The following NLGN1 variants were observed in gnomAD, a reference collection of about 807,000 sequenced individuals.
NLGN1 encodes neuroligin 1.
NLGN1 carries 12 observed loss-of-function variants against 65.5 expected under a neutral mutation model. That is an observed-to-expected ratio of 0.18 (90% confidence interval 0.12 to 0.30). The LOEUF (loss-of-function observed/expected upper bound fraction) is 0.30. NLGN1 is among the 10% of genes least tolerant of loss of function. The pLI is 1.00. For missense variants in NLGN1, 750 were observed against 1,007.1 expected, an observed-to-expected ratio of 0.74 and a Z score of 3.46; for synonymous variants, 350 against 359.5, an observed-to-expected ratio of 0.97 and a Z score of 0.30.
chr3:173,926,100 T>C (rs1457359572), intron 4 of NLGN1, among the ~76,000 whole-genome samples: 1 of 152,004 alleles, frequency 6.6e-6, no homozygotes, highest in East Asian at 1.9e-4. Flanking sequence ...ATGAAATACA[T>C]TTAGATTTTC....
intron 2 of NLGN1, among the ~76,000 whole-genome samples, chr3:173,531,372 A>G (rs73045413): frequency 1.3e-5 from 2 of 152,026 alleles, no homozygotes; most frequent in African/African-American, 4.8e-5. Flanking sequence ...TTAAAATTTT[A>G]TATTATTGCT....
At chr3:174,188,404 C>A (rs984548046) in intron 4 of NLGN1, among the ~76,000 whole-genome samples, 1 of 151,940 alleles carries the variant, frequency 6.6e-6, no homozygotes, top group South Asian at 2.1e-4. Flanking sequence ...CCATTCACTG[C>A]GCAGTTGCTG....
upstream of NLGN1, among the ~76,000 whole-genome samples, chr3:173,397,223 C>T (rs548529570): frequency 6.6e-6 from 1 of 152,264 alleles, no homozygotes; most frequent in South Asian, 2.1e-4. Context: ...CCTTCCGTTT[C>T]TGCATAAAAC....
chr3:174,188,695 CT>C (rs34139246), intron 4 of NLGN1, among the ~76,000 whole-genome samples: 1 of 151,892 alleles, frequency 6.6e-6, no homozygotes, highest in African/African-American at 2.4e-5. Flanking sequence ...TAAACTCACC[CT>C]TTTTTTCCAG....
At chr3:173,917,870 T>TGTGTGTGTGC in intron 4 of NLGN1, among the ~76,000 whole-genome samples, 1 of 152,028 alleles carries the variant, frequency 6.6e-6, no homozygotes, top group African/African-American at 2.4e-5. Flanking sequence ...TGTGTGTGTG[T>TGTGTGTGTGC]TGGCCTTTAT....
At chr3:174,216,878 G>A (rs1331201992) in intron 4 of NLGN1, among the ~76,000 whole-genome samples, 2 of 152,046 alleles carry the variant, frequency 1.3e-5, no homozygotes, top group Non-Finnish European at 2.9e-5. Flanking sequence ...CTTCTGCAAT[G>A]TCATTGTCTA....
At chr3:173,791,406 T>G (rs1712704822) in intron 3 of NLGN1, among the ~76,000 whole-genome samples, 1 of 152,192 alleles carries the variant, frequency 6.6e-6, no homozygotes, top group South Asian at 2.1e-4. Context: ...ACCACCCAAT[T>G]TAATGATATC....
chr3:174,007,334 A>G (rs1372442590), intron 4 of NLGN1, among the ~76,000 whole-genome samples: 1 of 152,078 alleles, frequency 6.6e-6, no homozygotes, highest in Admixed American at 6.5e-5. Flanking sequence ...ATTCATACAT[A>G]CTTCTTCTGT....
chr3:173,779,404 GC>G (rs1780797521), intron 3 of NLGN1, among the ~76,000 whole-genome samples: 2 of 151,826 alleles, frequency 1.3e-5, no homozygotes, highest in African/African-American at 4.8e-5. Flanking sequence ...AAAATATTTG[GC>G]TGAATCATTA....
intron 4 of NLGN1, among the ~76,000 whole-genome samples, chr3:173,922,222 TA>T (rs1742163283): frequency 1.3e-5 from 2 of 152,134 alleles, no homozygotes; most frequent in South Asian, 4.1e-4. Context: ...TTTATGTTTT[TA>T]TGTGTTTGAT....
At chr3:173,624,418 G>A (rs938459001) in intron 3 of NLGN1, among the ~76,000 whole-genome samples, 1 of 152,084 alleles carries the variant, frequency 6.6e-6, no homozygotes, top group African/African-American at 2.4e-5. Context: ...CAGTTTAAAT[G>A]CCATCTTTAA....
intron 4 of NLGN1, among the ~76,000 whole-genome samples, chr3:174,085,119 G>A (rs1446218447): frequency 6.6e-6 from 1 of 151,870 alleles, no homozygotes; most frequent in African/African-American, 2.4e-5. Context: ...CTTAAAATTT[G>A]CTCCTTAGGG....
chr3:173,533,327 C>T (rs562527464), intron 2 of NLGN1, among the ~76,000 whole-genome samples: 5 of 152,244 alleles, frequency 3.3e-5, no homozygotes, highest in East Asian at 1.9e-4. Flanking sequence ...TTTAATTCTT[C>T]AGAATTCTAC....
Position 173,663,859 on chromosome 3 carries a change from C to CTT in NLGN1, c.493+58781_493+58782dup, listed in dbSNP as rs377287677. 4.5e-4 allele frequency among the ~76,000 whole-genome samples: 65 copies of CTT among 145,074 alleles called. No homozygotes were observed. The Middle Eastern group carries it at 0.025, about 56-fold the overall frequency. ...GTTTAAAATCTGTGAATCACTGCTACTTTTTTTTTTTTTTCCATTATGAGC... is the reference window on the plus strand; with the variant it reads ...GTTTAAAATCTGTGAATCACTGCTACTTTTTTTTTTTTTTTTCCATTATGAGC... On this transcript the variant is annotated intron_variant, in intron 3 of 6. Coordinates refer to ENST00000457714, the Ensembl canonical transcript of NLGN1.
chr3:174,268,465 C>G (rs1022456957), intron 4 of NLGN1, among the ~76,000 whole-genome samples: 22 of 152,040 alleles, frequency 1.4e-4, no homozygotes, highest in African/African-American at 5.3e-4. Flanking sequence ...TACTTTCTCC[C>G]TAGTATCTTG....
In NLGN1 at chr3:174,125,337, T is replaced by C. The variant is rs185284811; in HGVS notation, c.647-149978T>C. Among the ~76,000 whole-genome samples the C allele has an allele frequency of 2.9e-4, 44 of 152,236 alleles. 1 individual carries two copies. The East Asian group carries it at 8.3e-3, about 29-fold the overall frequency. ...GGGAAGATAAAAAGTTGAGGTTTGA[T>C]TTAAAATATATTTAAGAGGAAGTCA... On this transcript the variant is annotated intron_variant, in intron 4 of 6. Coordinates refer to ENST00000457714, the Ensembl canonical transcript of NLGN1.
intron 2 of NLGN1, among the ~76,000 whole-genome samples, chr3:173,438,394 A>T (rs1339727442): frequency 1.3e-5 from 2 of 152,170 alleles, no homozygotes; most frequent in Non-Finnish European, 2.9e-5. Flanking sequence ...AAAAGTATAC[A>T]AGGAAAAAAA....
At chr3:174,179,421 A>G (rs1468589814) in intron 4 of NLGN1, among the ~76,000 whole-genome samples, 1 of 152,140 alleles carries the variant, frequency 6.6e-6, no homozygotes, top group Non-Finnish European at 1.5e-5. Flanking sequence ...TTGCAATAGA[A>G]TAATGAAAAA....
intron 4 of NLGN1, among the ~76,000 whole-genome samples, chr3:174,190,056 C>CCAAAAA: frequency 6.6e-6 from 1 of 151,924 alleles, no homozygotes. Flanking sequence ...TCACTTAGGA[C>CCAAAAA]ATAGAGTGGA....
Sources: allele counts gnomAD v4.1 joint callset (sites outside exome capture counted in the v4.1 genomes callset), GRCh38; gene constraint gnomAD v4.1.1; transcripts MANE v1.5; gene names NCBI Gene and HGNC (gene_info 2026-07-23, HGNC 2026-07-21).